The following EXOC6B variants were observed in gnomAD, a reference collection of about 807,000 sequenced individuals.
The protein encoded by EXOC6B is SEC15 homolog B.
EXOC6B carries 54 observed loss-of-function variants against 113.5 expected under a neutral mutation model. That is an observed-to-expected ratio of 0.48 (90% CI 0.38 to 0.60). The LOEUF (loss-of-function observed/expected upper bound fraction) is 0.60, where lower values mean the gene tolerates loss of function less well. Among genes scored for constraint, EXOC6B ranks in the 20% least tolerant of loss-of-function variants. The pLI, the probability that EXOC6B is intolerant of heterozygous loss-of-function variation, is 0.00. For missense variants in EXOC6B, 797 were observed against 977.5 expected (o/e 0.82, Z 2.46); for synonymous variants, 357 against 339.0 (o/e 1.05, Z -0.58).
chr2:72,721,396 AG>A (rs1356250264), intron 5 of EXOC6B, among the ~76,000 whole-genome samples: 9 of 146,020 alleles, frequency 6.2e-5, no homozygotes, highest in African/African-American at 1.3e-4. Context: ...AAATGAACAA[AG>A]AAAATTCACA....
chr2:72,369,053 T>G (rs377574739), intron 19 of EXOC6B, among the ~76,000 whole-genome samples: 1 of 152,126 alleles, frequency 6.6e-6, no homozygotes, highest in East Asian at 1.9e-4. Context: ...GGTATTCAAT[T>G]AGGAAAAGAG....
intron 6 of EXOC6B, among the ~76,000 whole-genome samples, chr2:72,707,508 G>A (rs1231511335): frequency 6.6e-6 from 1 of 151,510 alleles, no homozygotes; most frequent in East Asian, 1.9e-4. Flanking sequence ...CCGCCTCCCA[G>A]GTTCAAGCGA....
intron 6 of EXOC6B, among the ~76,000 whole-genome samples, chr2:72,712,304 T>C (rs762353161): frequency 5.9e-5 from 9 of 152,198 alleles, no homozygotes; most frequent in Non-Finnish European, 1.2e-4. Flanking sequence ...ATTTAGCAAC[T>C]TAAAGCCACA....
intron 18 of EXOC6B, among the ~76,000 whole-genome samples, chr2:72,434,379 G>A (rs1573110088): frequency 6.6e-6 from 1 of 152,152 alleles, no homozygotes; most frequent in East Asian, 1.9e-4. Context: ...TTTTTATTGT[G>A]TCTCTACCAG....
chr2:72,666,386 T>A (rs570800273), intron 6 of EXOC6B, among the ~76,000 whole-genome samples: 1 of 152,210 alleles, frequency 6.6e-6, no homozygotes, highest in South Asian at 2.1e-4. Context: ...ATCAACCACA[T>A]GCTTGGTCAT....
intron 11 of EXOC6B, among the ~76,000 whole-genome samples, chr2:72,504,235 C>A (rs1391213510): frequency 6.6e-6 from 1 of 152,044 alleles, no homozygotes; most frequent in Non-Finnish European, 1.5e-5. Context: ...TTTAAGACGT[C>A]ATTGTATATT....
intron 1 of EXOC6B, among the ~76,000 whole-genome samples, chr2:72,746,190 T>C (rs996848629): frequency 6.6e-6 from 1 of 152,078 alleles, no homozygotes; most frequent in Admixed American, 6.6e-5. Context: ...CCAGGTTATG[T>C]TGCAGTTAAA....
At chr2:72,423,280 A>T (rs555975728) in intron 18 of EXOC6B, among the ~76,000 whole-genome samples, 24 of 152,124 alleles carry the variant, frequency 1.6e-4, no homozygotes, top group African/African-American at 5.3e-4. Context: ...TCTGAACATC[A>T]GAAGGGACAG....
intron 6 of EXOC6B, among the ~76,000 whole-genome samples, chr2:72,670,302 T>C (rs919742119): frequency 5.3e-5 from 8 of 152,228 alleles, no homozygotes; most frequent in South Asian, 2.1e-4. Context: ...CATCATATTT[T>C]TGTGAATTGT....
intron 2 of EXOC6B, among the ~76,000 whole-genome samples, chr2:72,737,427 T>G (rs1374874997): frequency 6.6e-6 from 1 of 152,240 alleles, no homozygotes; most frequent in Non-Finnish European, 1.5e-5. Flanking sequence ...ATTCAATGTT[T>G]TGTATCACCT....
intron 5 of EXOC6B, among the ~76,000 whole-genome samples, chr2:72,721,365 A>G (rs1421169240): frequency 7.7e-4 from 60 of 78,316 alleles, no homozygotes; most frequent in Non-Finnish European, 1.2e-3. Flanking sequence ...TTGTTTTTGT[A>G]AAAAAAAAAA....
At chr2:72,448,803 C>G (rs1424117862) in intron 18 of EXOC6B, among the ~76,000 whole-genome samples, 2 of 152,272 alleles carry the variant, frequency 1.3e-5, no homozygotes, top group East Asian at 3.9e-4. Context: ...AACAACTAGA[C>G]AGGAAACTAA....
chr2:72,801,065 G>C (rs988625443), intron 1 of EXOC6B, among the ~76,000 whole-genome samples: 1 of 152,144 alleles, frequency 6.6e-6, no homozygotes, highest in South Asian at 2.1e-4. Context: ...ACGTATTTGG[G>C]CTTGGTAGAA....
intron 18 of EXOC6B, among the ~76,000 whole-genome samples, chr2:72,443,787 C>T (rs1696384393): frequency 6.6e-6 from 1 of 152,124 alleles, no homozygotes; most frequent in African/African-American, 2.4e-5. Context: ...AAGATCTGCC[C>T]CCATGATTCA....
chr2:72,812,898 C>T (rs1360232474), intron 1 of EXOC6B, among the ~76,000 whole-genome samples: 1 of 151,874 alleles, frequency 6.6e-6, no homozygotes, highest in African/African-American at 2.4e-5. Context: ...GTAAGCTGGA[C>T]TTCATCAAAA....
intron 19 of EXOC6B, among the ~76,000 whole-genome samples, chr2:72,376,441 T>C (rs1472072664): frequency 6.6e-6 from 1 of 152,218 alleles, no homozygotes; most frequent in African/African-American, 2.4e-5. Context: ...CTCTTATCAC[T>C]GTTCTTCATT....
intron 20 of EXOC6B, among the ~76,000 whole-genome samples, chr2:72,205,357 TA>T (rs953077467): frequency 7.8e-5 from 11 of 140,674 alleles, no homozygotes; most frequent in African/African-American, 3.0e-4. Context: ...ATTTTATGCT[TA>T]AAGTAGAAAA....
intron 21 of EXOC6B, among the ~76,000 whole-genome samples, chr2:72,181,411 G>A (rs1291189375): frequency 1.3e-5 from 2 of 152,150 alleles, no homozygotes; most frequent in African/African-American, 2.4e-5. Flanking sequence ...GATAATTACT[G>A]TATTTGTTCC....
In EXOC6B at chr2:72,267,380, A is replaced by G. The variant is rs546128430; in HGVS notation, c.2196+67567T>C. Among the ~76,000 whole-genome samples, 383 of 152,258 alleles carry G rather than the reference A, an allele frequency of 2.5e-3. 1 individual carries two copies. Among genetic ancestry groups the G allele is most frequent in the African/African-American group, 8.9e-3 (369 of 41,556 alleles). On this transcript the variant is annotated intron_variant, in intron 20 of 21. Transcript: ENST00000272427. ...CCAGTTTTTGCCCATTCAGTATGAT[A>G]TTGGCTGTGGGTTTGTCATAGATAG...
Sources: gnomAD v4.1 joint callset for allele counts (sites outside exome capture counted in the v4.1 genomes callset) on GRCh38, gnomAD v4.1.1 for gene constraint, MANE v1.5 for transcripts, NCBI Gene and HGNC (gene_info 2026-07-23, HGNC 2026-07-21) for gene names.